Variants in CDS1 observed in about 807,000 individuals in gnomAD.
CDS1 encodes the protein CDP-diacylglycerol synthase 1.
A neutral mutation model predicts 62.1 loss-of-function variants in CDS1; 41 were observed. The observed-to-expected ratio is 0.66, with a 90% confidence interval of 0.51 to 0.86. The LOEUF is 0.86. Among genes scored for constraint, CDS1 ranks in the 40% least tolerant of loss-of-function variants. CDS1 has a pLI of 0.00. For missense variants in CDS1, 470 were observed against 550.1 expected (o/e 0.85, Z 1.46); for synonymous variants, 185 against 192.6 (o/e 0.96, Z 0.32).
chr4:84,648,554 T>C lies in CDS1; in HGVS notation c.1257-3T>C, dbSNP rs1691344885. ...ACTTGTCTTCTTTGCCTTTTATCATTAGGGGCCCAAATCCCAGCAAAGTGC... is the reference window on the plus strand; with the variant it reads ...ACTTGTCTTCTTTGCCTTTTATCATCAGGGGCCCAAATCCCAGCAAAGTGC... On this transcript the variant is annotated splice_region_variant and splice_polypyrimidine_tract_variant and intron_variant, in intron 12 of 12. Transcript: ENST00000295887. 1.9e-6 allele frequency: 3 copies of C among 1,611,604 alleles called. No individual in the cohort carries two copies. Among genetic ancestry groups the C allele is most frequent in the South Asian group, 2.2e-5 (2 of 90,310 alleles).
At chr4:84,591,570 A>G (rs1722592149) in intron 1 of CDS1, among the ~76,000 whole-genome samples, 1 of 152,216 alleles carries the variant, frequency 6.6e-6, no homozygotes, top group Non-Finnish European at 1.5e-5. Context: ...ATAATGATAT[A>G]AACTAATTTT....
intron 3 of CDS1, among the ~76,000 whole-genome samples, chr4:84,615,820 G>T (rs1482859447): frequency 1.3e-5 from 2 of 152,166 alleles, no homozygotes; most frequent in Non-Finnish European, 2.9e-5. Flanking sequence ...ATTGCTACCA[G>T]TGTTGATGGT....
intron 1 of CDS1, among the ~76,000 whole-genome samples, chr4:84,603,021 G>A (rs75766471): frequency 0.013 from 1,974 of 152,200 alleles, 51 homozygotes; most frequent in African/African-American, 0.045. Context: ...ATTATATTTG[G>A]TGAGCCTCCT....
chr4:84,584,321 T>C (rs11097023), intron 1 of CDS1, among the ~76,000 whole-genome samples: 93,454 of 152,034 alleles, frequency 0.61, 28,855 homozygotes, highest in South Asian at 0.71. Context: ...AGTTTTATGA[T>C]CTTATGGACT....
chr4:84,590,254 T>C (rs1578014200), intron 1 of CDS1, among the ~76,000 whole-genome samples: 2 of 152,254 alleles, frequency 1.3e-5, no homozygotes, highest in East Asian at 3.8e-4. Flanking sequence ...TCATTGATGC[T>C]TCCTTTCAAA....
At chr4:84,592,409 G>A (rs1364375815) in intron 1 of CDS1, among the ~76,000 whole-genome samples, 2 of 152,130 alleles carry the variant, frequency 1.3e-5, no homozygotes, top group African/African-American at 2.4e-5. Context: ...CTGACCTCAA[G>A]TAATCCACCT....
At position 84,587,994 on chromosome 4, in the gene CDS1, A is replaced by G. The variant is rs189459847; in HGVS notation, c.117+4476A>G. Among the ~76,000 whole-genome samples, 530 of 152,290 alleles carry G rather than the reference A, an allele frequency of 3.5e-3. 3 individuals carry two copies. Among genetic ancestry groups the G allele is most frequent in the Middle Eastern group, 0.024 (7 of 294 alleles). On this transcript the variant is annotated intron_variant, in intron 1 of 12. Transcript: ENST00000295887. The stretch of plus-strand genomic sequence containing the variant: ...GCATCAATGCAGATTTTCTCTACAG[A>G]CACAAATCTACCTCACAAAAGACAG...
At chr4:84,590,063 G>A (rs1457945436) in intron 1 of CDS1, among the ~76,000 whole-genome samples, 4 of 152,154 alleles carry the variant, frequency 2.6e-5, no homozygotes, top group Non-Finnish European at 5.9e-5. Context: ...TGCCCGCCTT[G>A]GCCTCCCAAA....
At chr4:84,634,372 C>T (rs112092515) in intron 7 of CDS1, among the ~76,000 whole-genome samples, 1 of 152,024 alleles carries the variant, frequency 6.6e-6, no homozygotes, top group Non-Finnish European at 1.5e-5. Flanking sequence ...CTACTTTGCT[C>T]CTGTGTAGGA....
At chr4:84,616,687 C>G (rs1192170469) in intron 3 of CDS1, among the ~76,000 whole-genome samples, 1 of 152,100 alleles carries the variant, frequency 6.6e-6, no homozygotes, top group Non-Finnish European at 1.5e-5. Flanking sequence ...AGATTTTTAC[C>G]TCTTAATTCA....
At chr4:84,587,269 A>T (rs999101825) in intron 1 of CDS1, among the ~76,000 whole-genome samples, 11 of 152,130 alleles carry the variant, frequency 7.2e-5, no homozygotes, top group Non-Finnish European at 1.5e-4. Context: ...TTAAACAATA[A>T]ATTTGTATTC....
chr4:84,643,239 C>T, intron 11 of CDS1, 96 bp downstream of exon 11: 5 of 1,162,820 alleles, frequency 4.3e-6, no homozygotes, highest in Non-Finnish European at 6.1e-6. Flanking sequence ...CATTAAGCCC[C>T]TAGGCCACAA....
intron 1 of CDS1, among the ~76,000 whole-genome samples, chr4:84,603,351 C>G (rs1251757550): frequency 6.6e-6 from 1 of 152,178 alleles, no homozygotes; most frequent in Non-Finnish European, 1.5e-5. Flanking sequence ...CAGTTTCCTC[C>G]TCTGTAAGCC....
chr4:84,619,044 TACAC>T (rs33991933), intron 4 of CDS1, among the ~76,000 whole-genome samples: 7,497 of 140,904 alleles, frequency 0.053, 564 homozygotes, highest in African/African-American at 0.17. Context: ...ATTAAATTTA[TACAC>T]ACACACACAC....
chr4:84,586,329 A>G (rs930814602), intron 1 of CDS1, among the ~76,000 whole-genome samples: 1 of 152,198 alleles, frequency 6.6e-6, no homozygotes, highest in African/African-American at 2.4e-5. Context: ...ATAATTATAC[A>G]ACTCACCATA....
chr4:84,638,233 G>A (rs921446025), intron 8 of CDS1, among the ~76,000 whole-genome samples: 20 of 152,170 alleles, frequency 1.3e-4, no homozygotes, highest in African/African-American at 4.8e-4. Context: ...TTCCATGAAT[G>A]GTCCATTGAC....
rs866044335 is a variant in CDS1, at chr4:84,648,855, A to G, written c.*169A>G. The G allele has an allele frequency of 4.1e-5, 25 of 605,656 alleles. No individual in the cohort carries two copies. The highest frequency in any genetic ancestry group is 1.4e-4 in the Admixed American group (4 of 28,754). 37.5% of individuals were successfully genotyped at this position (605,656 alleles called of 1,614,324 possible). ...TATTTAACAAACACTTACTTGATCT[A>G]TGTTATGAAATAAGTAGCAAATTGC... On this transcript the variant is annotated 3_prime_UTR_variant, in exon 13 of 13. Transcript: ENST00000295887.
At chr4:84,589,874 G>A (rs1335223954) in intron 1 of CDS1, among the ~76,000 whole-genome samples, 6 of 152,086 alleles carry the variant, frequency 3.9e-5, no homozygotes, top group African/African-American at 9.7e-5. Context: ...GCAGTGGCGC[G>A]ACCTCGGCTC....
intron 1 of CDS1, among the ~76,000 whole-genome samples, chr4:84,588,144 G>A (rs1343169613): frequency 2.0e-5 from 3 of 152,186 alleles, no homozygotes; most frequent in African/African-American, 7.2e-5. Context: ...GGAGAAAAGA[G>A]GGTGCACATT....
Sources: allele counts gnomAD v4.1 joint callset (sites outside exome capture counted in the v4.1 genomes callset), GRCh38; gene constraint gnomAD v4.1.1; transcripts MANE v1.5; gene names NCBI Gene and HGNC (gene_info 2026-07-23, HGNC 2026-07-21).